Variants in RUNDC3B observed in about 807,000 individuals in gnomAD.
The protein encoded by RUNDC3B is RUN domain containing 3B, also known as RUN domain-containing protein 3B.
In RUNDC3B, 33 loss-of-function variants were observed where a neutral mutation model predicts 58.4. That is an observed-to-expected ratio of 0.56 (90% CI 0.43 to 0.75). RUNDC3B has a LOEUF of 0.75. RUNDC3B is among the 30% of genes least tolerant of loss of function. The probability of loss-of-function intolerance (pLI) is 0.00; values close to 1 mark genes in which losing one functional copy is unlikely to be tolerated. For missense variants in RUNDC3B, 501 were observed against 535.7 expected (o/e 0.94, Z 0.64); for synonymous variants, 193 against 195.2 (o/e 0.99, Z 0.10).
intron 7 of RUNDC3B, among the ~76,000 whole-genome samples, chr7:87,774,961 A>C (rs1044939460): frequency 6.6e-6 from 1 of 152,280 alleles, no homozygotes; most frequent in African/African-American, 2.4e-5. Flanking sequence ...ACAATTATGG[A>C]AAGTATACAA....
intron 10 of RUNDC3B, among the ~76,000 whole-genome samples, chr7:87,827,796 C>T (rs372146049): frequency 6.6e-6 from 1 of 151,976 alleles, no homozygotes; most frequent in Non-Finnish European, 1.5e-5. Context: ...AACTTTATAA[C>T]CTGAAAATAG....
intron 2 of RUNDC3B, among the ~76,000 whole-genome samples, chr7:87,673,277 G>C (rs1826010284): frequency 6.6e-6 from 1 of 152,138 alleles, no homozygotes; most frequent in South Asian, 2.1e-4. Flanking sequence ...TAGAGAGGTT[G>C]GGGACATTTT....
chr7:87,676,484 T>A (rs1826368373), intron 2 of RUNDC3B, among the ~76,000 whole-genome samples: 1 of 151,920 alleles, frequency 6.6e-6, no homozygotes, highest in African/African-American at 2.4e-5. Flanking sequence ...GTGGATTGCT[T>A]GAGGTCAGGA....
chr7:87,713,861 G>A (rs1485210680), intron 4 of RUNDC3B, among the ~76,000 whole-genome samples: 1 of 152,014 alleles, frequency 6.6e-6, no homozygotes, highest in Non-Finnish European at 1.5e-5. Context: ...AATAAGTATG[G>A]AAAATATAAA....
At chr7:87,653,484 T>A (rs917196017) in intron 2 of RUNDC3B, among the ~76,000 whole-genome samples, 2 of 152,074 alleles carry the variant, frequency 1.3e-5, no homozygotes, top group Non-Finnish European at 2.9e-5. Context: ...GCTGAAGCAA[T>A]CTACTCAACA....
chr7:87,743,082 C>T (rs1832434814), intron 6 of RUNDC3B, among the ~76,000 whole-genome samples: 1 of 151,510 alleles, frequency 6.6e-6, no homozygotes. Context: ...CCACTGCACC[C>T]CAACCTGGGT....
chr7:87,754,313 A>G (rs1009347943), intron 6 of RUNDC3B, among the ~76,000 whole-genome samples: 2 of 152,216 alleles, frequency 1.3e-5, no homozygotes, highest in Non-Finnish European at 2.9e-5. Flanking sequence ...ATTATGTAGG[A>G]ATTAAACAAC....
intron 6 of RUNDC3B, among the ~76,000 whole-genome samples, chr7:87,768,603 G>T (rs1022151457): frequency 6.6e-6 from 1 of 152,206 alleles, no homozygotes; most frequent in Non-Finnish European, 1.5e-5. Flanking sequence ...GTTTGCAGGG[G>T]CAGAGGGGCT....
chr7:87,745,543 G>C (rs377007270), intron 6 of RUNDC3B, among the ~76,000 whole-genome samples: 1 of 152,106 alleles, frequency 6.6e-6, no homozygotes, highest in East Asian at 1.9e-4. Context: ...AAGCTAGGAG[G>C]GTTGTATTTT....
chr7:87,650,984 A>C, intron 2 of RUNDC3B, 47 bp downstream of exon 2: 1 of 1,079,938 alleles, frequency 9.3e-7, no homozygotes, highest in Non-Finnish European at 1.4e-6. Context: ...CTGTCTTTAT[A>C]ATAAGCTTGA....
chr7:87,698,109 G>A (rs1180884426), intron 2 of RUNDC3B, among the ~76,000 whole-genome samples: 1 of 152,100 alleles, frequency 6.6e-6, no homozygotes, highest in Non-Finnish European at 1.5e-5. Context: ...ATTTTTTATT[G>A]CTTTTTTTGA....
At chr7:87,728,254 C>T (rs1275751089) in intron 4 of RUNDC3B, among the ~76,000 whole-genome samples, 1 of 152,156 alleles carries the variant, frequency 6.6e-6, no homozygotes, top group South Asian at 2.1e-4. Context: ...TCCAGACCTT[C>T]TTCTGCAATA....
At chr7:87,634,646 A>G (rs1474072685) in intron 1 of RUNDC3B, among the ~76,000 whole-genome samples, 2 of 152,138 alleles carry the variant, frequency 1.3e-5, no homozygotes, top group Non-Finnish European at 2.9e-5. Flanking sequence ...AAGAAAAAAA[A>G]AAGAACTTTA....
At chr7:87,696,880 A>G (rs1295569029) in intron 2 of RUNDC3B, among the ~76,000 whole-genome samples, 2 of 152,120 alleles carry the variant, frequency 1.3e-5, no homozygotes, top group Admixed American at 6.5e-5. Flanking sequence ...AGTGTGCCCT[A>G]CCTATAGCAG....
At chr7:87,802,016 G>T (rs572732387) in intron 8 of RUNDC3B, among the ~76,000 whole-genome samples, 50 of 152,252 alleles carry the variant, frequency 3.3e-4, no homozygotes, top group African/African-American at 1.2e-3. Flanking sequence ...ATAGTGAAAA[G>T]TCCTTGGTGT....
chr7:87,832,064 G>A lies in RUNDC3B; in HGVS notation c.*2034G>A, dbSNP rs1403882476. ...GATCTTGGTATAAAATTCATCTGCT[G>A]TTATAAAATCAGGTTTCTACAGAGT... On this transcript the variant is annotated 3_prime_UTR_variant, in exon 11 of 11. Transcript: ENST00000394654. The A allele has an allele frequency of 6.6e-6, 1 of 151,838 alleles. No homozygotes were observed. Among genetic ancestry groups the A allele is most frequent in the Non-Finnish European group, 1.5e-5 (1 of 67,860 alleles). The allele number at this position is 151,838 out of a possible 1,614,324, so 9.4% of individuals were successfully genotyped here.
chr7:87,647,858 C>T (rs761897807), intron 1 of RUNDC3B, among the ~76,000 whole-genome samples: 2 of 151,976 alleles, frequency 1.3e-5, no homozygotes, highest in Non-Finnish European at 2.9e-5. Context: ...AGTAAATTGG[C>T]CAACTTGCAG....
intron 2 of RUNDC3B, among the ~76,000 whole-genome samples, chr7:87,672,521 G>C (rs1475983751): frequency 6.6e-6 from 1 of 152,176 alleles, no homozygotes; most frequent in Non-Finnish European, 1.5e-5. Context: ...TAGCCCTCTA[G>C]ATTCAGCCTC....
chr7:87,785,720 A>G (rs1007297300), intron 8 of RUNDC3B, among the ~76,000 whole-genome samples: 8 of 152,288 alleles, frequency 5.3e-5, no homozygotes, highest in Admixed American at 3.9e-4. Flanking sequence ...TAGGGGCTCC[A>G]GTCACTCAGA....
Sources: allele counts gnomAD v4.1 joint callset (sites outside exome capture counted in the v4.1 genomes callset), GRCh38; gene constraint gnomAD v4.1.1; transcripts MANE v1.5; gene names NCBI Gene and HGNC (gene_info 2026-07-23, HGNC 2026-07-21).